WDR64: variants seen among roughly 807,000 people sequenced by gnomAD.
WDR64 encodes the protein WD repeat-containing protein 64.
A neutral mutation model predicts 139.3 loss-of-function variants in WDR64; 112 were observed. The ratio of observed to expected loss-of-function variants is 0.80; its 90% CI spans 0.69 to 0.94. The LOEUF (loss-of-function observed/expected upper bound fraction) is 0.94. Among genes scored for constraint, WDR64 ranks in the 40% least tolerant of loss-of-function variants. The probability of loss-of-function intolerance (pLI) is 0.00; values close to 1 mark genes in which losing one functional copy is unlikely to be tolerated. For missense variants in WDR64, 1,206 were observed against 1,293.1 expected (o/e 0.93, Z 1.03); for synonymous variants, 444 against 437.7 (o/e 1.01, Z -0.18).
At chr1:241,705,422 G>A (rs1289236526) in intron 8 of WDR64, among the ~76,000 whole-genome samples, 1 of 151,554 alleles carries the variant, frequency 6.6e-6, no homozygotes, top group Non-Finnish European at 1.5e-5. Flanking sequence ...GGCGCCTGTA[G>A]TCCCAGCTAC....
chr1:241,782,346 AG>A (rs1356615265), intron 22 of WDR64, among the ~76,000 whole-genome samples: 1 of 152,176 alleles, frequency 6.6e-6, no homozygotes, highest in Non-Finnish European at 1.5e-5. Flanking sequence ...AAATAACCAG[AG>A]GGAATTGAGT....
At chr1:241,719,007 T>C (rs146803173) in intron 9 of WDR64, among the ~76,000 whole-genome samples, 1 of 152,178 alleles carries the variant, frequency 6.6e-6, no homozygotes, top group African/African-American at 2.4e-5. Context: ...ATATATAAAT[T>C]TGGGAGGGAA....
chr1:241,777,150 A>T (rs1438705945), intron 21 of WDR64, among the ~76,000 whole-genome samples: 1 of 152,202 alleles, frequency 6.6e-6, no homozygotes. Context: ...GCTGGAGTGC[A>T]GTGGTGTGCT....
chr1:241,737,943 G>T (rs978408865), intron 10 of WDR64, among the ~76,000 whole-genome samples: 2 of 152,136 alleles, frequency 1.3e-5, no homozygotes, highest in Admixed American at 6.5e-5. Flanking sequence ...TGTTCCCATC[G>T]TCATAAGAGA....
At chr1:241,749,491 G>C in intron 13 of WDR64, 56 bp from the exon 14 acceptor site, 3 of 1,570,890 alleles carry the variant, frequency 1.9e-6, no homozygotes, top group Non-Finnish European at 2.6e-6. Flanking sequence ...TGAGCGAAAA[G>C]CCAAGCTTTC....
intron 8 of WDR64, among the ~76,000 whole-genome samples, chr1:241,696,678 T>C (rs894818052): frequency 9.2e-5 from 14 of 152,132 alleles, no homozygotes; most frequent in African/African-American, 3.4e-4. Context: ...TGGGAGTGTC[T>C]CTTAGCCTGC....
intron 20 of WDR64, among the ~76,000 whole-genome samples, chr1:241,774,137 C>T (rs1200857781): frequency 6.6e-6 from 1 of 152,152 alleles, no homozygotes; most frequent in Non-Finnish European, 1.5e-5. Context: ...CTTAGAAAAA[C>T]AGAGGAGGTG....
At chr1:241,794,483 C>T (rs1294946794) in intron 25 of WDR64, among the ~76,000 whole-genome samples, 1 of 150,424 alleles carries the variant, frequency 6.6e-6, no homozygotes, top group Admixed American at 6.7e-5. Flanking sequence ...ATTGAATGCC[C>T]CACATATTTT....
chr1:241,757,299 T>A lies in WDR64; in HGVS notation c.1787T>A (p.Ile596Asn). The change falls in exon 15 of 28, where the codon ATC (isoleucine) becomes AAC (asparagine). Residue 596 changes from isoleucine to asparagine, a missense_variant. Coordinates refer to ENST00000437684, the MANE Select transcript of WDR64 (RefSeq NM_001367482.1). ...CTGTTAAAGGGTAAGGAAGATGATA[T>A]CTACCTCATGGTGATCTGGGAGCTG... ...IKMIQGKEDD[I>N]YLMVIWELPD... The A allele has an allele frequency of 6.2e-7, 1 of 1,613,298 alleles. No homozygotes were observed. Among genetic ancestry groups the A allele is most frequent in the East Asian group, 2.2e-5 (1 of 44,856 alleles).
chr1:241,700,495 T>C (rs935720590), intron 8 of WDR64, among the ~76,000 whole-genome samples: 1 of 152,104 alleles, frequency 6.6e-6, no homozygotes, highest in African/African-American at 2.4e-5. Context: ...ATCATACAAA[T>C]ATCTAGAGGA....
At chr1:241,713,566 C>G (rs1317321523) in intron 9 of WDR64, among the ~76,000 whole-genome samples, 1 of 150,978 alleles carries the variant, frequency 6.6e-6, no homozygotes, top group Non-Finnish European at 1.5e-5. Context: ...AGGAAGGATG[C>G]CTACTTCATA....
chr1:241,685,439 T>C (rs904021996), intron 7 of WDR64, among the ~76,000 whole-genome samples: 1 of 151,996 alleles, frequency 6.6e-6, no homozygotes, highest in Non-Finnish European at 1.5e-5. Flanking sequence ...TAAATGTGTA[T>C]ATGTGTGTGT....
chr1:241,715,337 G>T (rs1252235810), intron 9 of WDR64, among the ~76,000 whole-genome samples: 3 of 152,182 alleles, frequency 2.0e-5, no homozygotes, highest in Non-Finnish European at 4.4e-5. Flanking sequence ...AAAGACGTGG[G>T]TTACTTATAT....
rs748854469 is a variant in WDR64, at chr1:241,769,394, T to G, written c.2082-10T>G. 1.1e-5 allele frequency: 17 copies of G among 1,549,522 alleles called. No individual in the cohort carries two copies. The highest frequency in any genetic ancestry group is 1.5e-5 in the Non-Finnish European group (17 of 1,145,526). On this transcript the variant is annotated splice_polypyrimidine_tract_variant and intron_variant, in intron 16 of 27. Coordinates refer to ENST00000437684, the MANE Select transcript of WDR64 (RefSeq NM_001367482.1). ...AATTTTTTCTCATATAAATGTATAC[T>G]TACTTCTAGGTACCGACCTGAAGAT... is the stretch of plus-strand genomic sequence containing the variant.
At chr1:241,772,174 T>C (rs979522786) in intron 19 of WDR64, among the ~76,000 whole-genome samples, 3 of 149,302 alleles carry the variant, frequency 2.0e-5, no homozygotes, top group Non-Finnish European at 3.0e-5. Flanking sequence ...TCTGTATGTA[T>C]AAGATTTATG....
chr1:241,792,339 A>G (rs1043433843), intron 25 of WDR64, among the ~76,000 whole-genome samples: 2 of 152,168 alleles, frequency 1.3e-5, no homozygotes, highest in South Asian at 2.1e-4. Context: ...GATCGAGACC[A>G]TCCTGACTAA....
chr1:241,749,231 G>T (rs1669887806), intron 13 of WDR64, among the ~76,000 whole-genome samples: 1 of 152,204 alleles, frequency 6.6e-6, no homozygotes, highest in Non-Finnish European at 1.5e-5. Flanking sequence ...TTAGCACACT[G>T]AGAAGCGTTG....
intron 5 of WDR64, among the ~76,000 whole-genome samples, chr1:241,678,770 G>A (rs1358815450): frequency 7.3e-6 from 1 of 137,730 alleles, no homozygotes; most frequent in Non-Finnish European, 1.5e-5. Flanking sequence ...TGCATGCACT[G>A]AATACCCTGA....
chr1:241,689,536 G>T (rs1667133413), intron 8 of WDR64, among the ~76,000 whole-genome samples: 3 of 152,166 alleles, frequency 2.0e-5, no homozygotes, highest in Admixed American at 2.0e-4. Context: ...TCTTAAAGAT[G>T]CTCTGACAAT....
Sources: gnomAD v4.1 joint callset for allele counts (sites outside exome capture counted in the v4.1 genomes callset) on GRCh38, gnomAD v4.1.1 for gene constraint, MANE v1.5 for transcripts, NCBI Gene and HGNC (gene_info 2026-07-23, HGNC 2026-07-21) for gene names.